Variants in UBR1 observed in about 807,000 individuals in gnomAD.
UBR1 encodes the protein ubiquitin protein ligase E3 component n-recognin 1.
In UBR1, 102 loss-of-function variants were observed where a neutral mutation model predicts 242.1. The ratio of observed to expected loss-of-function variants is 0.42; its 90% CI spans 0.36 to 0.50. The LOEUF is 0.50. Ranked by LOEUF, UBR1 falls within the 20% of genes least tolerant of loss-of-function variation. The probability of loss-of-function intolerance (pLI) is 0.01; values close to 1 mark genes in which losing one functional copy is unlikely to be tolerated. For missense variants in UBR1, 1,772 were observed against 2,101.8 expected (o/e 0.84, Z 3.07); for synonymous variants, 675 against 684.8 (o/e 0.99, Z 0.22).
rs1176217050 is a variant in UBR1, at chr15:43,047,215, T to C, written c.1614A>G (p.Ile538Met). The C allele has an allele frequency of 3.1e-6, 5 of 1,614,100 alleles. No homozygotes were observed. In the East Asian group the frequency reaches 8.9e-5, roughly 29 times the overall value. ...VDPDWEAAIA[I>M]QMQLKNILLM... ...GTAAAATATTCTTCAATTGCATCTGTATAGCAATGGCAGCCTCCCAATCAG... is the reference window on the plus strand; with the variant it reads ...GTAAAATATTCTTCAATTGCATCTGCATAGCAATGGCAGCCTCCCAATCAG... Residue 538 changes from isoleucine to methionine, a missense_variant, in exon 14 of 47, where the codon ATA (isoleucine) becomes ATG (methionine). Around this residue, in one of 3 missense-constraint regions of UBR1, gnomAD observed 734 missense variants for 893.3 expected, o/e 0.82. Transcript: ENST00000290650.
chr15:42,960,682 A>T lies in UBR1; in HGVS notation c.4720T>A (p.Leu1574Ile). 1 of 1,614,102 alleles carries T rather than the reference A, an allele frequency of 6.2e-7. No homozygotes were observed. ...LLQRWCADPA[L>I]LNCLKQKNTV... Reference sequence around the variant, plus strand: ...TTTTTTTGCTTCAAACAGTTTAGTAAGGCAGGATCTGCACACCACCTGTAT... The same window carrying T: ...TTTTTTTGCTTCAAACAGTTTAGTATGGCAGGATCTGCACACCACCTGTAT... The change falls in exon 43 of 47, where the codon TTA becomes ATA. Residue 1574 changes from leucine to isoleucine, a missense_variant. Leu to Ile is a conservative substitution (Grantham distance 5). Transcript: ENST00000290650.
rs756461131 is a variant in UBR1, at chr15:43,024,983, G to A, written c.2585C>T (p.Ala862Val). 6.2e-7 allele frequency: 1 copy of A among 1,614,040 alleles called. No individual in the cohort carries two copies. Among genetic ancestry groups the A allele is most frequent in the Admixed American group, 1.7e-5 (1 of 60,024 alleles). The change falls in exon 25 of 47, where the codon GCA becomes GTA. Residue 862 changes from alanine (A) to valine (V), a missense_variant and splice_region_variant. This residue lies in a region of UBR1 where 965 missense variants were observed against 1,079.7 expected (regional missense o/e 0.89). Transcript: ENST00000290650. Reference sequence around the variant, plus strand: ...TTCAGGAGGTGGTGGTGGCGGCAATGCTATAGGAGGTGGGGAATGGATGGG... The same window carrying A: ...TTCAGGAGGTGGTGGTGGCGGCAATACTATAGGAGGTGGGGAATGGATGGG... ...KRRKQENKDE[A>V]LPPPPPPEFC...
chr15:43,015,406 G>A (rs2141297021), intron 29 of UBR1, among the ~76,000 whole-genome samples: 1 of 152,122 alleles, frequency 6.6e-6, no homozygotes, highest in South Asian at 2.1e-4. Context: ...ATTAAGGGCG[G>A]TGCAAGATGT....
intron 30 of UBR1, 36 bp from the exon 31 acceptor site, chr15:43,003,966 A>C: frequency 6.3e-7 from 1 of 1,586,572 alleles, no homozygotes; most frequent in Non-Finnish European, 8.7e-7. Context: ...AAAAAGAGAG[A>C]CAGGTTATCA....
chr15:42,960,592 T>C, intron 43 of UBR1, 53 bp downstream of exon 43: 3 of 1,570,450 alleles, frequency 1.9e-6, no homozygotes, highest in Non-Finnish European at 1.8e-6. Context: ...ATCAACTACT[T>C]TAGGAAACAC....
chr15:42,958,750 T>C (rs762769584), intron 43 of UBR1, among the ~76,000 whole-genome samples: 9 of 152,206 alleles, frequency 5.9e-5, no homozygotes, highest in Non-Finnish European at 1.2e-4. Flanking sequence ...ATAAAAGCCT[T>C]GCTTGCATGT....
Position 42,956,681 on chromosome 15 carries a change from G to T in UBR1, c.4835+1332C>A, listed in dbSNP as rs114566616. On this transcript the variant is annotated intron_variant, in intron 44 of 46. Transcript: ENST00000290650. ...GGTGAAATGCTTGCAGCATCCAGGG[G>T]AATGCTTAATAAAGGAAGAAGCTGG... 8.5e-3 allele frequency among the ~76,000 whole-genome samples: 1,301 copies of T among 152,318 alleles called. 20 individuals are homozygous for T. The highest frequency in any genetic ancestry group is 0.03 in the African/African-American group (1,231 of 41,582).
chr15:42,963,152 T>G (rs775587443), intron 42 of UBR1, among the ~76,000 whole-genome samples: 1 of 151,932 alleles, frequency 6.6e-6, no homozygotes, highest in Admixed American at 6.6e-5. Context: ...ACGCTAGAGA[T>G]CAGAATATTT....
intron 35 of UBR1, among the ~76,000 whole-genome samples, chr15:42,987,711 CAAAAAAAAAAA>C (rs35169116): frequency 3.1e-4 from 17 of 54,636 alleles, no homozygotes; most frequent in African/African-American, 6.6e-4. Context: ...GACTCTGTCT[CAAAAAAAAAAA>C]AAAAAAAAAA....
chr15:43,008,647 C>T (rs2032870887), intron 29 of UBR1, among the ~76,000 whole-genome samples: 1 of 152,224 alleles, frequency 6.6e-6, no homozygotes, highest in African/African-American at 2.4e-5. Flanking sequence ...ACCGGTATGT[C>T]AGTTACAGGT....
At chr15:43,057,749 G>C (rs2033635701) in intron 10 of UBR1, among the ~76,000 whole-genome samples, 1 of 152,006 alleles carries the variant, frequency 6.6e-6, no homozygotes, top group African/African-American at 2.4e-5. Flanking sequence ...TTTACTAACA[G>C]GCAAATAAAT....
intron 39 of UBR1, among the ~76,000 whole-genome samples, chr15:42,975,721 T>C (rs1310290247): frequency 1.3e-5 from 2 of 151,918 alleles, no homozygotes; most frequent in Non-Finnish European, 2.9e-5. Flanking sequence ...AGAGATGAGA[T>C]CTTGTTCTGT....
At chr15:43,062,281 G>A (rs2033697929) in intron 6 of UBR1, among the ~76,000 whole-genome samples, 3 of 152,090 alleles carry the variant, frequency 2.0e-5, no homozygotes, top group Non-Finnish European at 1.5e-5. Flanking sequence ...AATATGGTGT[G>A]TGTGTATATA....
At chr15:43,029,114 T>C (rs529276398) in intron 21 of UBR1, among the ~76,000 whole-genome samples, 6 of 145,672 alleles carry the variant, frequency 4.1e-5, no homozygotes, top group Non-Finnish European at 1.5e-5. Context: ...TAAAAACAAA[T>C]ACACACACAC....
Position 42,998,176 on chromosome 15 carries a change from T to A in UBR1, c.3749A>T (p.His1250Leu), listed in dbSNP as rs1205633763. 4 of 1,613,162 alleles carry A rather than the reference T, an allele frequency of 2.5e-6. No homozygotes were observed. The highest frequency in any genetic ancestry group is 3.4e-6 in the Non-Finnish European group (4 of 1,179,346). ...LARISGYNIR[H>L]AKGENPIPIF... ...AATAAATTTAAGCAAACCTTTAGCA[T>A]GTCTTATATTATAACCTGATATTCT... Residue 1250 changes from histidine to leucine, a missense_variant, in exon 33 of 47, where the codon CAT becomes CTT. Around this residue, in one of 3 missense-constraint regions of UBR1, gnomAD observed 965 missense variants for 1,079.7 expected, o/e 0.89. Coordinates refer to ENST00000290650, the MANE Select transcript of UBR1 (RefSeq NM_174916.3).
chr15:43,007,004 T>A (rs1209237845), intron 30 of UBR1, 75 bp downstream of exon 30: 1 of 1,446,492 alleles, frequency 6.9e-7, no homozygotes, highest in Non-Finnish European at 9.7e-7. Context: ...CCAAATGTTT[T>A]TCAAATAGTA....
At position 43,073,033 on chromosome 15, in the gene UBR1, C is replaced by T. The variant is rs193165419; in HGVS notation, c.528+1946G>A. Among the ~76,000 whole-genome samples, 5 of 151,984 alleles carry T rather than the reference C, an allele frequency of 3.3e-5. No homozygotes were observed. The South Asian group carries it at 6.2e-4, about 19-fold the overall frequency. On this transcript the variant is annotated intron_variant, in intron 4 of 46. Transcript: ENST00000290650. ...AAAATTAGCCGGATGTGGTGCCATA[C>T]GCCTATAATCTCAGCTACTCGGGAA...
intron 39 of UBR1, among the ~76,000 whole-genome samples, chr15:42,974,769 C>T (rs913223546): frequency 3.3e-5 from 5 of 151,928 alleles, no homozygotes; most frequent in Admixed American, 2.0e-4. Flanking sequence ...CCACCATGCC[C>T]AGCAAATTTT....
At chr15:42,984,986 G>C (rs2032437403) in intron 35 of UBR1, 44 bp from the exon 36 acceptor site, 2 of 1,367,734 alleles carry the variant, frequency 1.5e-6, no homozygotes, top group Middle Eastern at 2.3e-4. Flanking sequence ...CCTGAATAGT[G>C]CTATAATCAT....
Sources: gnomAD v4.1 joint callset for allele counts (sites outside exome capture counted in the v4.1 genomes callset) on GRCh38, gnomAD v4.1.1 for gene constraint, gnomAD v4.1.1 regional missense constraint, MANE v1.5 for transcripts, NCBI Gene and HGNC (gene_info 2026-07-23, HGNC 2026-07-21) for gene names.